PLA2G4E: variants seen among roughly 807,000 people sequenced by gnomAD.
The protein encoded by PLA2G4E is phospholipase A2 group IVE, also known as cytosolic phospholipase A2 epsilon.
Under a neutral mutation model 109.1 loss-of-function variants are expected in PLA2G4E, and 84 were observed. The ratio of observed to expected loss-of-function variants is 0.77; its 90% CI spans 0.65 to 0.92. PLA2G4E has a LOEUF of 0.92. Ranked by LOEUF, PLA2G4E falls within the 40% of genes least tolerant of loss-of-function variation. PLA2G4E has a pLI of 0.00. For missense variants in PLA2G4E, 1,057 were observed against 1,076.6 expected (o/e 0.98, Z 0.25); for synonymous variants, 469 against 436.1 (o/e 1.08, Z -0.94).
intron 1 of PLA2G4E, among the ~76,000 whole-genome samples, chr15:42,040,661 C>T (rs1012316872): frequency 1.3e-5 from 2 of 152,224 alleles, no homozygotes; most frequent in Non-Finnish European, 2.9e-5. Flanking sequence ...ATCTCTTTCA[C>T]ATAAATACTG....
At position 42,012,707 on chromosome 15, in the gene PLA2G4E, T is replaced by C. The variant is rs116514651; in HGVS notation, c.256+978A>G. Among the ~76,000 whole-genome samples the C allele has an allele frequency of 5.3e-3, 814 of 152,364 alleles. 10 individuals carry two copies. Among genetic ancestry groups the C allele is most frequent in the African/African-American group, 0.019 (779 of 41,584 alleles). On this transcript the variant is annotated intron_variant, in intron 2 of 19. Transcript: ENST00000399518. ...CCCTGGTGACAAGATGGGAACGTTG[T>C]TATTCTATAACTGCTTTGGACATAG...
chr15:41,991,292 C>T (rs944782598), intron 13 of PLA2G4E, among the ~76,000 whole-genome samples: 53 of 152,222 alleles, frequency 3.5e-4, no homozygotes, highest in Admixed American at 3.1e-3. Flanking sequence ...CTCCTGATGT[C>T]GGAAGACTCG....
chr15:42,015,155 G>A (rs943440585), intron 1 of PLA2G4E, among the ~76,000 whole-genome samples: 33 of 152,204 alleles, frequency 2.2e-4, no homozygotes, highest in Admixed American at 3.9e-4. Context: ...CGTCCCTCCC[G>A]AGCTGCCCCT....
intron 1 of PLA2G4E, among the ~76,000 whole-genome samples, chr15:42,049,339 A>G (rs1889469628): frequency 1.3e-5 from 2 of 151,842 alleles, no homozygotes; most frequent in Non-Finnish European, 2.9e-5. Context: ...TCAGTTACTC[A>G]CTCCCATGAT....
chr15:42,044,904 A>T (rs1250739028), intron 1 of PLA2G4E, among the ~76,000 whole-genome samples: 1 of 152,116 alleles, frequency 6.6e-6, no homozygotes, highest in East Asian at 1.9e-4. Context: ...GCAAATGGTC[A>T]CTTGGGCCCG....
intron 1 of PLA2G4E, among the ~76,000 whole-genome samples, chr15:42,040,499 G>A (rs776070573): frequency 2.0e-5 from 3 of 152,170 alleles, no homozygotes; most frequent in Non-Finnish European, 4.4e-5. Context: ...AAATTGAGAT[G>A]CAATAAAGGA....
intron 2 of PLA2G4E, among the ~76,000 whole-genome samples, chr15:42,012,248 A>C: frequency 6.6e-6 from 1 of 152,096 alleles, no homozygotes. Flanking sequence ...AGCTGCATAC[A>C]AGGCCTCAGG....
At chr15:42,001,089 G>A in intron 7 of PLA2G4E, 68 bp downstream of exon 7, 1 of 1,491,276 alleles carries the variant, frequency 6.7e-7, no homozygotes, top group Non-Finnish European at 9.3e-7. Context: ...GGTGGAGTCT[G>A]ATGCTGATGG....
intron 4 of PLA2G4E, 61 bp from the exon 5 acceptor site, chr15:42,005,039 A>G: frequency 6.3e-7 from 1 of 1,584,292 alleles, no homozygotes; most frequent in South Asian, 1.1e-5. Flanking sequence ...GCTGACCAGA[A>G]CCCTTTGCCA....
intron 14 of PLA2G4E, 133 bp from the exon 15 acceptor site, chr15:41,989,685 A>C: frequency 8.1e-7 from 1 of 1,240,702 alleles, no homozygotes; most frequent in Non-Finnish European, 1.1e-6. Flanking sequence ...AGTTCCCCCA[A>C]AGGACACATG....
intron 1 of PLA2G4E, among the ~76,000 whole-genome samples, chr15:42,025,110 G>A (rs950633720): frequency 1.3e-5 from 2 of 151,644 alleles, no homozygotes; most frequent in Middle Eastern, 3.4e-3. Flanking sequence ...GCAGGAGAAT[G>A]GCATGAATCC....
chr15:41,985,928 CAAAG>C lies in PLA2G4E; in HGVS notation c.2109_2112del (p.Phe703LeufsTer33), dbSNP rs1395296110. The C allele has an allele frequency of 6.2e-7, 1 of 1,607,004 alleles. No individual in the cohort carries two copies. Among genetic ancestry groups the C allele is most frequent in the East Asian group, 2.2e-5 (1 of 44,666 alleles). ...AGGAGGGGCGGGTAGCTGGAGTTGA[CAAAG>C]AACGCAGTGTCCAGCAGGCACAGGT... On this transcript the variant is annotated frameshift_variant, in exon 18 of 20. Transcript: ENST00000399518. LOFTEE classifies it high-confidence loss of function.
intron 5 of PLA2G4E, among the ~76,000 whole-genome samples, chr15:42,004,180 T>C (rs576582574): frequency 6.6e-6 from 1 of 152,132 alleles, no homozygotes; most frequent in East Asian, 1.9e-4. Flanking sequence ...TGTGTTCCTG[T>C]AATCACAGTT....
intron 1 of PLA2G4E, among the ~76,000 whole-genome samples, chr15:42,038,511 G>C (rs1300782947): frequency 2.0e-5 from 3 of 152,218 alleles, no homozygotes; most frequent in Non-Finnish European, 2.9e-5. Context: ...TAGATCCCTT[G>C]CATAGGCAGT....
chr15:41,983,754 C>T (rs1195260457), exon 20 of PLA2G4E: 1 of 1,584,508 alleles, frequency 6.3e-7, no homozygotes, highest in Admixed American at 1.8e-5. Flanking sequence ...TCCCTGGGGC[C>T]TAGGAGGGAC....
At chr15:42,021,263 G>A (rs2141065491) in intron 1 of PLA2G4E, among the ~76,000 whole-genome samples, 1 of 151,996 alleles carries the variant, frequency 6.6e-6, no homozygotes, top group African/African-American at 2.4e-5. Context: ...GCAGTCTGTA[G>A]CCCCCAGCCA....
chr15:42,046,978 G>A (rs7167522), intron 1 of PLA2G4E, among the ~76,000 whole-genome samples: 10,706 of 152,252 alleles, frequency 0.07, 374 homozygotes, highest in South Asian at 0.12. Context: ...AAAGAGGAAG[G>A]CCTGATCCAT....
rs777500281 is a variant in PLA2G4E at position 41,995,514 on chromosome 15, C to G, written c.1111-18G>C. On this transcript the variant is annotated intron_variant, in intron 11 of 19. Transcript: ENST00000399518. ...AGCGGCACCTGGGGTTACACAGAGG[C>G]AGGCGGTTGGGGAAGGCTCCAGAAG... is the stretch of plus-strand genomic sequence containing the variant. 6 of 1,609,824 alleles carry G rather than the reference C, an allele frequency of 3.7e-6. No homozygotes were observed. The East Asian group carries it at 1.1e-4, about 30-fold the overall frequency.
chr15:41,999,935 C>T (rs1348421223), exon 9 of PLA2G4E: 1 of 1,610,566 alleles, frequency 6.2e-7, no homozygotes, highest in Admixed American at 1.7e-5. Flanking sequence ...GGGTCATCAC[C>T]TGACCATCGG....
Sources: gnomAD v4.1 joint callset for allele counts (sites outside exome capture counted in the v4.1 genomes callset) on GRCh38, gnomAD v4.1.1 for gene constraint, MANE v1.5 for transcripts, NCBI Gene and HGNC (gene_info 2026-07-23, HGNC 2026-07-21) for gene names.